Variants in EDN1 observed in about 807,000 individuals in gnomAD.
The protein encoded by EDN1 is endothelin 1.
A neutral mutation model predicts 21.7 loss-of-function variants in EDN1; 11 were observed. The observed-to-expected ratio is 0.51, with a 90% CI of 0.32 to 0.84. EDN1 has a LOEUF of 0.84. Ranked by LOEUF, EDN1 falls within the 40% of genes least tolerant of loss-of-function variation. EDN1 has a pLI of 0.03. For synonymous variants in EDN1, 85 were observed against 90.6 expected (o/e 0.94, Z 0.35); for missense variants, 244 against 262.3 (o/e 0.93, Z 0.48).
chr6:12,292,584 C>A, intron 2 of EDN1, 75 bp downstream of exon 2: 1 of 1,559,920 alleles, frequency 6.4e-7, no homozygotes, highest in Non-Finnish European at 8.8e-7. Flanking sequence ...TTTAGAGTTT[C>A]TTTTCTAGGG....
chr6:12,268,509 G>T, the EDN1 span, among the ~76,000 whole-genome samples: 1 of 152,080 alleles, frequency 6.6e-6, no homozygotes, highest in Non-Finnish European at 1.5e-5. Context: ...AGAGATAGAG[G>T]TCTAGTTTTA....
the EDN1 span, among the ~76,000 whole-genome samples, chr6:12,279,030 C>T: frequency 6.6e-6 from 1 of 152,200 alleles, no homozygotes; most frequent in Admixed American, 6.5e-5. Context: ...CCTCCTCCAA[C>T]TTTCTCTGGC....
chr6:12,231,407 A>G, the EDN1 span, among the ~76,000 whole-genome samples: 1 of 152,242 alleles, frequency 6.6e-6, no homozygotes, highest in African/African-American at 2.4e-5. Context: ...TGGAAAAGGA[A>G]ACTCATATGG....
At chr6:12,269,103 A>G in the EDN1 span, among the ~76,000 whole-genome samples, 174 of 152,112 alleles carry the variant, frequency 1.1e-3, no homozygotes, top group South Asian at 2.7e-3. Flanking sequence ...CATAAATGAG[A>G]TTGCTTCCTT....
chr6:12,287,708 T>TCACACA (rs1238623776), upstream of EDN1, among the ~76,000 whole-genome samples: 19 of 76,144 alleles, frequency 2.5e-4, no homozygotes, highest in Non-Finnish European at 5.4e-4. Flanking sequence ...TCTCTCTCTC[T>TCACACA]CTCTCACACA....
chr6:12,243,026 C>T, the EDN1 span, among the ~76,000 whole-genome samples: 1 of 152,064 alleles, frequency 6.6e-6, no homozygotes, highest in African/African-American at 2.4e-5. Context: ...GTCAAAAATC[C>T]ACAGATAACT....
At chr6:12,248,998 T>C in the EDN1 span, among the ~76,000 whole-genome samples, 59 of 152,366 alleles carry the variant, frequency 3.9e-4, no homozygotes, top group African/African-American at 1.3e-3. Context: ...CATGATCTTC[T>C]AATTATTTAG....
chr6:12,238,507 C>T, the EDN1 span, among the ~76,000 whole-genome samples: 1 of 152,114 alleles, frequency 6.6e-6, no homozygotes, highest in African/African-American at 2.4e-5. Flanking sequence ...TTGGTCAGAG[C>T]GCATTTGTCA....
the EDN1 span, among the ~76,000 whole-genome samples, chr6:12,259,647 C>T: frequency 7.9e-5 from 12 of 151,628 alleles, no homozygotes; most frequent in Non-Finnish European, 1.8e-4. Context: ...CAGATAGACA[C>T]TATATTACAA....
chr6:12,271,424 T>C, the EDN1 span, among the ~76,000 whole-genome samples: 2 of 152,202 alleles, frequency 1.3e-5, no homozygotes, highest in Non-Finnish European at 1.5e-5. Flanking sequence ...TTTTAGCTGA[T>C]AATAATAAAC....
At chr6:12,285,565 C>T (rs139271496), upstream of EDN1, among the ~76,000 whole-genome samples, 393 of 151,982 alleles carry the variant, frequency 2.6e-3, 4 homozygotes, top group African/African-American at 9.3e-3. Context: ...GATACATGTA[C>T]GAACATTTTT....
At chr6:12,255,191 G>T in the EDN1 span, among the ~76,000 whole-genome samples, 7 of 152,036 alleles carry the variant, frequency 4.6e-5, no homozygotes, top group African/African-American at 1.7e-4. Flanking sequence ...TCTTATTTTT[G>T]AATACAACTG....
chr6:12,273,250 G>A, the EDN1 span, among the ~76,000 whole-genome samples: 6 of 152,188 alleles, frequency 3.9e-5, no homozygotes, highest in African/African-American at 1.4e-4. Context: ...GTGTGGAAAT[G>A]CATTTCAGGC....
the EDN1 span, among the ~76,000 whole-genome samples, chr6:12,244,667 G>T: frequency 6.6e-6 from 1 of 152,160 alleles, no homozygotes; most frequent in Non-Finnish European, 1.5e-5. Context: ...AAGTGTGTAA[G>T]TATTAGAGTA....
the EDN1 span, among the ~76,000 whole-genome samples, chr6:12,240,897 G>A: frequency 1.3e-5 from 2 of 152,164 alleles, no homozygotes; most frequent in Non-Finnish European, 2.9e-5. Context: ...CTGGAACACA[G>A]ATGTGATGGC....
the EDN1 span, among the ~76,000 whole-genome samples, chr6:12,232,210 T>C: frequency 6.9e-6 from 1 of 145,886 alleles, no homozygotes; most frequent in African/African-American, 2.5e-5. Context: ...TATAATATAA[T>C]AAAGTATATG....
chr6:12,293,469 G>T (rs1055570585), intron 2 of EDN1, among the ~76,000 whole-genome samples: 3 of 152,200 alleles, frequency 2.0e-5, no homozygotes, highest in African/African-American at 7.2e-5. Flanking sequence ...TCGGTGGGGT[G>T]ACGGTGGCAC....
chr6:12,237,163 C>A, the EDN1 span, among the ~76,000 whole-genome samples: 1 of 151,996 alleles, frequency 6.6e-6, no homozygotes, highest in African/African-American at 2.4e-5. Flanking sequence ...TGAACTCATC[C>A]TTTTTATGGC....
chr6:12,268,665 T>A, the EDN1 span, among the ~76,000 whole-genome samples: 1 of 152,214 alleles, frequency 6.6e-6, no homozygotes, highest in South Asian at 2.1e-4. Context: ...TCCTGTTCCA[T>A]TGGTCTATGT....
Sources: allele counts gnomAD v4.1 joint callset (sites outside exome capture counted in the v4.1 genomes callset), GRCh38; gene constraint gnomAD v4.1.1; transcripts MANE v1.5; gene names NCBI Gene and HGNC (gene_info 2026-07-23, HGNC 2026-07-21).